Variants in TNRC6B observed in about 807,000 individuals in gnomAD.
TNRC6B encodes trinucleotide repeat containing adaptor 6B.
TNRC6B carries 52 observed loss-of-function variants against 203.6 expected under a neutral mutation model. That is an observed-to-expected ratio of 0.26 (90% CI 0.20 to 0.32). The LOEUF is 0.32. Among genes scored for constraint, TNRC6B ranks in the 10% least tolerant of loss-of-function variants. The pLI is 1.00. For missense variants in TNRC6B, 1,923 were observed against 2,286.2 expected (o/e 0.84, Z 3.24); for synonymous variants, 838 against 845.7 (o/e 0.99, Z 0.16).
intron 2 of TNRC6B, among the ~76,000 whole-genome samples, chr22:40,122,202 A>G (rs1355484348): frequency 6.6e-6 from 1 of 152,154 alleles, no homozygotes; most frequent in East Asian, 1.9e-4. Context: ...AAAAGCTTAT[A>G]TGCAGCGAGA....
chr22:40,220,091 A>G (rs2069687938), intron 1 of TNRC6B, among the ~76,000 whole-genome samples: 1 of 152,204 alleles, frequency 6.6e-6, no homozygotes, highest in East Asian at 1.9e-4. Flanking sequence ...ACTCCTTGAG[A>G]ATCGCTGCGG....
chr22:40,311,020 G>A, intron 17 of TNRC6B, 27 bp downstream of exon 17: 4 of 1,587,872 alleles, frequency 2.5e-6, no homozygotes, highest in Non-Finnish European at 3.4e-6. Flanking sequence ...GCTTTTCCCA[G>A]GATAGCATTT....
intron 1 of TNRC6B, among the ~76,000 whole-genome samples, chr22:40,206,995 C>T (rs1050185619): frequency 1.3e-5 from 2 of 152,076 alleles, no homozygotes; most frequent in Non-Finnish European, 2.9e-5. Context: ...ACTCGACCTC[C>T]GAAGGCTCTA....
Position 40,213,368 on chromosome 22 carries a change from G to A in TNRC6B, c.6-32647G>A, listed in dbSNP as rs572665349. Among the ~76,000 whole-genome samples, 7 of 152,216 alleles carry A rather than the reference G, an allele frequency of 4.6e-5. No individual in the cohort carries two copies. The South Asian group carries it at 8.3e-4, about 18-fold the overall frequency. ...CCCTCAGTCTGAGAAGTATTGATAC[G>A]AGCAGTGACCCCGGGAAAAGAGATG... On this transcript the variant is annotated intron_variant, in intron 1 of 22. Transcript: ENST00000454349.
At chr22:40,303,519 T>C (rs2071052501) in intron 15 of TNRC6B, among the ~76,000 whole-genome samples, 1 of 152,348 alleles carries the variant, frequency 6.6e-6, no homozygotes, top group South Asian at 2.1e-4. Flanking sequence ...TGTTAACTTA[T>C]TAAATAATAG....
intron 2 of TNRC6B, among the ~76,000 whole-genome samples, chr22:40,247,806 A>G (rs2070128956): frequency 6.6e-6 from 1 of 152,200 alleles, no homozygotes. Context: ...GTGGTGGCTC[A>G]TGCCTGTAAT....
intron 4 of TNRC6B, among the ~76,000 whole-genome samples, chr22:40,169,877 T>A (rs188790623): frequency 3.2e-4 from 48 of 152,340 alleles, no homozygotes; most frequent in Middle Eastern, 3.4e-3. Context: ...TGTGGATTTA[T>A]CTATTTATTT....
intron 5 of TNRC6B, among the ~76,000 whole-genome samples, chr22:40,267,453 T>C (rs2070497202): frequency 6.6e-6 from 1 of 152,204 alleles, no homozygotes; most frequent in Non-Finnish European, 1.5e-5. Flanking sequence ...GGGAAATAAT[T>C]CTGTGTTTTT....
chr22:40,298,218 GTTTTTAAATATTATAGATTT>G (rs2070972079), intron 12 of TNRC6B, among the ~76,000 whole-genome samples: 1 of 152,094 alleles, frequency 6.6e-6, no homozygotes, highest in Non-Finnish European at 1.5e-5. Context: ...ACAAAAGCAT[GTTTTTAAATATTATAGATTT>G]TAACTAACAT....
upstream of TNRC6B, among the ~76,000 whole-genome samples, chr22:40,174,630 C>T (rs963992831): frequency 3.3e-5 from 5 of 151,706 alleles, no homozygotes; most frequent in Admixed American, 3.3e-4. Flanking sequence ...GAGGTGATCA[C>T]GAGGTGATTT....
chr22:40,154,139 T>C (rs2146350528), intron 3 of TNRC6B, among the ~76,000 whole-genome samples: 1 of 152,078 alleles, frequency 6.6e-6, no homozygotes, highest in East Asian at 1.9e-4. Context: ...GGTCATGCCA[T>C]AGCCCTCAGC....
At chr22:40,206,547 A>AT (rs746885217) in intron 1 of TNRC6B, among the ~76,000 whole-genome samples, 13 of 152,242 alleles carry the variant, frequency 8.5e-5, no homozygotes, top group Non-Finnish European at 1.8e-4. Flanking sequence ...AGTAATTCCC[A>AT]TAAAAACGCC....
At chr22:40,146,874 T>TA (rs766921858) in intron 3 of TNRC6B, among the ~76,000 whole-genome samples, 36 of 152,314 alleles carry the variant, frequency 2.4e-4, no homozygotes, top group Non-Finnish European at 4.9e-4. Context: ...CAAGAAACGT[T>TA]TTCTAAGTCA....
At chr22:40,153,839 G>A (rs144837520) in intron 3 of TNRC6B, among the ~76,000 whole-genome samples, 162 of 150,940 alleles carry the variant, frequency 1.1e-3, no homozygotes, top group African/African-American at 3.8e-3. Context: ...TTTAAATAAT[G>A]TATATGTATT....
intron 1 of TNRC6B, among the ~76,000 whole-genome samples, chr22:40,213,256 A>G (rs980459633): frequency 2.0e-5 from 3 of 152,224 alleles, no homozygotes; most frequent in African/African-American, 7.2e-5. Context: ...ATATTTTACC[A>G]TAATGGAAAG....
intron 1 of TNRC6B, chr22:40,106,903 C>T (rs2068288659): frequency 1.4e-5 from 14 of 982,980 alleles, no homozygotes; most frequent in South Asian, 7.6e-5. Context: ...GACAGTGCTT[C>T]GCTTTTTCAT....
At chr22:40,136,593 G>A (rs1157821481) in intron 3 of TNRC6B, among the ~76,000 whole-genome samples, 2 of 151,464 alleles carry the variant, frequency 1.3e-5, no homozygotes, top group Non-Finnish European at 2.9e-5. Flanking sequence ...TCTTTTTGTA[G>A]AGACATGGTC....
At chr22:40,060,014 G>A (rs1322640524) in intron 1 of TNRC6B, among the ~76,000 whole-genome samples, 1 of 151,384 alleles carries the variant, frequency 6.6e-6, no homozygotes, top group Non-Finnish European at 1.5e-5. Context: ...AGTAGAGATG[G>A]GACGGGGTTT....
At chr22:40,300,698 G>A in intron 13 of TNRC6B, 112 bp downstream of exon 13, 1 of 1,398,706 alleles carries the variant, frequency 7.1e-7, no homozygotes, top group Middle Eastern at 1.8e-4. Flanking sequence ...AAGGGTGCTA[G>A]TCCACACTTC....
Sources: allele counts gnomAD v4.1 joint callset (sites outside exome capture counted in the v4.1 genomes callset), GRCh38; gene constraint gnomAD v4.1.1; transcripts MANE v1.5; gene names NCBI Gene and HGNC (gene_info 2026-07-23, HGNC 2026-07-21).